ASAP3: variants seen among roughly 807,000 people sequenced by gnomAD.
ASAP3 encodes ArfGAP with SH3 domain, ankyrin repeat and PH domain 3, also known as arf-GAP with SH3 domain, ANK repeat and PH domain-containing protein 3.
In ASAP3, 85 loss-of-function variants were observed where a neutral mutation model predicts 118.2. The observed-to-expected ratio is 0.72, with a 90% CI of 0.60 to 0.86. The LOEUF (loss-of-function observed/expected upper bound fraction) is 0.86. ASAP3 is among the 40% of genes least tolerant of loss of function. The pLI, the probability that ASAP3 is intolerant of heterozygous loss-of-function variation, is 0.00. For synonymous variants in ASAP3, 432 were observed against 477.4 expected (o/e 0.90, Z 1.24); for missense variants, 1,026 against 1,175.0 (o/e 0.87, Z 1.85).
chr1:23,484,168 G>A lies in ASAP3; in HGVS notation c.-35C>T, dbSNP rs901825094. The A allele has an allele frequency of 3.5e-5, 44 of 1,246,030 alleles. No homozygotes were observed. Among genetic ancestry groups the A allele is most frequent in the Non-Finnish European group, 4.3e-5 (43 of 995,478 alleles). 77.2% of individuals were successfully genotyped at this position (1,246,030 alleles called of 1,614,324 possible). Reference sequence around the variant, plus strand: ...GAGCGTGGAGCTGCCGGAGCGGGGCGCGGGGGGCACTGAGCTGCTCCGCGC... The same window carrying A: ...GAGCGTGGAGCTGCCGGAGCGGGGCACGGGGGGCACTGAGCTGCTCCGCGC... On this transcript the variant is annotated 5_prime_UTR_variant, in exon 1 of 25. Transcript: ENST00000336689.
chr1:23,476,218 C>T (rs1450326780), intron 1 of ASAP3, among the ~76,000 whole-genome samples: 6 of 151,734 alleles, frequency 4.0e-5, no homozygotes, highest in Non-Finnish European at 7.4e-5. Context: ...TGGTAGCGGG[C>T]GCCTGTAGCC....
At chr1:23,467,733 C>T (rs1226293004) in intron 1 of ASAP3, among the ~76,000 whole-genome samples, 1 of 151,808 alleles carries the variant, frequency 6.6e-6, no homozygotes, top group African/African-American at 2.4e-5. Flanking sequence ...AGGTGGATCA[C>T]GAGGTCAGGA....
At chr1:23,476,460 C>G (rs539180987) in intron 1 of ASAP3, among the ~76,000 whole-genome samples, 1 of 152,210 alleles carries the variant, frequency 6.6e-6, no homozygotes, top group Admixed American at 6.5e-5. Context: ...ACAATCTGTG[C>G]ACTTCTCTCC....
At chr1:23,459,396 T>C (rs1641494797) in intron 1 of ASAP3, among the ~76,000 whole-genome samples, 1 of 152,104 alleles carries the variant, frequency 6.6e-6, no homozygotes, top group Non-Finnish European at 1.5e-5. Context: ...TTCTGAAAAC[T>C]GCCCTCCCTT....
intron 5 of ASAP3, among the ~76,000 whole-genome samples, chr1:23,445,408 T>C (rs1641018535): frequency 6.6e-6 from 1 of 152,018 alleles, no homozygotes; most frequent in South Asian, 2.1e-4. Flanking sequence ...GGAGGATCCC[T>C]TGAGCCCAAG....
chr1:23,456,272 A>G, intron 1 of ASAP3, 78 bp from the exon 2 acceptor site: 1 of 1,381,390 alleles, frequency 7.2e-7, no homozygotes, highest in Non-Finnish European at 1.0e-6. Flanking sequence ...TGTATCTATG[A>G]TTTCCACCCC....
rs375599950 is a variant in ASAP3, at chr1:23,437,377, C to G, written c.1151+47G>C. The G allele has an allele frequency of 6.2e-7, 1 of 1,610,870 alleles. No homozygotes were observed. Among genetic ancestry groups the G allele is most frequent in the Non-Finnish European group, 8.5e-7 (1 of 1,178,358 alleles). Reference sequence around the variant, plus strand: ...GTCAAGTGGGAAGAGATAGGGCCGCCGGCCCCCACCCACAAGGCTGGCCGG... The same window carrying G: ...GTCAAGTGGGAAGAGATAGGGCCGCGGGCCCCCACCCACAAGGCTGGCCGG... On this transcript the variant is annotated intron_variant, in intron 13 of 24. Coordinates refer to ENST00000336689, the MANE Select transcript of ASAP3 (RefSeq NM_017707.4). The surrounding 1 kb of genome is among the most constrained non-coding windows in gnomAD (Gnocchi z 6.1).
rs372734701 is a variant in ASAP3, at chr1:23,441,225, A to G, written c.835-14T>C. 1.9e-6 allele frequency: 3 copies of G among 1,613,934 alleles called. No individual in the cohort carries two copies. The African/African-American group carries it at 4.0e-5, about 22-fold the overall frequency. ...GCTCAGGTGTTCCTGTCCCTCGGAC[A>G]TGCAAAGGAGACCTCAGGGCATCTC... is the stretch of plus-strand genomic sequence containing the variant. On this transcript the variant is annotated splice_polypyrimidine_tract_variant and intron_variant, in intron 9 of 24. Coordinates refer to ENST00000336689, the MANE Select transcript of ASAP3 (RefSeq NM_017707.4).
In ASAP3 at chr1:23,436,958, G is replaced by A. The variant is rs1309509905; in HGVS notation, c.1429C>T (p.Arg477Cys). ...VHRELGVRFS[R>C]MQSLTLDLLG... ...AGGTCCAAGGTGAGTGACTGCATGC[G>A]CGAAAAGCGCACGCCCAGTTCGCGG... Residue 477 changes from arginine (R) to cysteine (C), a missense_variant, in exon 15 of 25, where the codon CGC (arginine) becomes TGC (cysteine). Coordinates refer to ENST00000336689, the MANE Select transcript of ASAP3 (RefSeq NM_017707.4). The surrounding 1 kb of genome is among the most constrained non-coding windows in gnomAD (Gnocchi z 4.2). 3.1e-6 allele frequency: 5 copies of A among 1,612,288 alleles called. No individual in the cohort carries two copies. Among genetic ancestry groups the A allele is most frequent in the Non-Finnish European group, 4.2e-6 (5 of 1,179,760 alleles).
chr1:23,463,520 G>GC (rs1337778996), intron 1 of ASAP3, among the ~76,000 whole-genome samples: 1 of 152,134 alleles, frequency 6.6e-6, no homozygotes, highest in East Asian at 1.9e-4. Context: ...TCTAGCCCCA[G>GC]CATCTCCAAA....
chr1:23,476,997 T>C (rs1393190855), intron 1 of ASAP3, among the ~76,000 whole-genome samples: 2 of 152,042 alleles, frequency 1.3e-5, no homozygotes, highest in African/African-American at 4.8e-5. Context: ...TCAAAATCTA[T>C]TGACAAATTA....
chr1:23,462,976 AAAAGAGACT>A (rs1641645614), intron 1 of ASAP3, among the ~76,000 whole-genome samples: 1 of 152,180 alleles, frequency 6.6e-6, no homozygotes, highest in African/African-American at 2.4e-5. Context: ...GGACAGGCAG[AAAAGAGACT>A]AAAGAGACTA....
At chr1:23,456,734 C>T (rs1641400003) in intron 1 of ASAP3, among the ~76,000 whole-genome samples, 1 of 152,142 alleles carries the variant, frequency 6.6e-6, no homozygotes, top group South Asian at 2.1e-4. Flanking sequence ...TTCACCAAAC[C>T]CCAGGCTCAA....
intron 22 of ASAP3, 71 bp downstream of exon 22, chr1:23,433,006 C>T (rs1640493292): frequency 6.4e-7 from 1 of 1,574,622 alleles, no homozygotes; most frequent in South Asian, 1.1e-5. Flanking sequence ...ATGCACTCAG[C>T]TCAGTGCCCC....
intron 1 of ASAP3, among the ~76,000 whole-genome samples, chr1:23,481,562 C>T (rs1005092318): frequency 6.6e-5 from 10 of 152,106 alleles, no homozygotes; most frequent in African/African-American, 2.2e-4. Context: ...GTTTGGGTGC[C>T]GCAAGCCTTT....
chr1:23,483,705 G>A (rs1477061932), intron 1 of ASAP3, among the ~76,000 whole-genome samples: 2 of 152,234 alleles, frequency 1.3e-5, no homozygotes, highest in Non-Finnish European at 2.9e-5. Context: ...AGGCTGGAAG[G>A]CGCTAGGCAA....
At chr1:23,477,540 G>A (rs1031604853) in intron 1 of ASAP3, among the ~76,000 whole-genome samples, 1 of 152,022 alleles carries the variant, frequency 6.6e-6, no homozygotes, top group Non-Finnish European at 1.5e-5. Flanking sequence ...TAGGCTACAG[G>A]TACAAATGTG....
At position 23,433,079 on chromosome 1, in the gene ASAP3, C is replaced by T. The variant is rs1640496905; in HGVS notation, c.2321G>A (p.Gly774Glu). Reference protein sequence around the residue: ...LVQGCARHASGDRSEVSSLSS... With the variant: ...LVQGCARHASEDRSEVSSLSS... The stretch of plus-strand genomic sequence containing the variant: ...TTTATCTGGGCATCCAACTGTACCT[C>T]CACTGGCATGTCTTGCACACCCTTG... The change falls in exon 22 of 25, where the codon GGA becomes GAA. Residue 774 changes from glycine (G) to glutamate (E), a missense_variant and splice_region_variant. Transcript: ENST00000336689. 1 of 1,613,772 alleles carries T rather than the reference C, an allele frequency of 6.2e-7. No individual in the cohort carries two copies. Among genetic ancestry groups the T allele is most frequent in the East Asian group, 2.2e-5 (1 of 44,888 alleles).
chr1:23,473,974 C>CTTTTTTTTTTTTTTTTT lies in ASAP3; in HGVS notation c.129+10014_129+10030dup, dbSNP rs10664798. Among the ~76,000 whole-genome samples, 56 of 72,106 alleles carry CTTTTTTTTTTTTTTTTT rather than the reference C, an allele frequency of 7.8e-4. 4 individuals are homozygous for CTTTTTTTTTTTTTTTTT. The highest frequency in any genetic ancestry group is 3.7e-3 in the African/African-American group (54 of 14,714). 47.3% of individuals were successfully genotyped at this position (72,106 alleles called of 152,430 possible). On this transcript the variant is annotated intron_variant, in intron 1 of 24. Transcript: ENST00000336689. ...AGGCGAAAATGGCATTAAATCTGCT[C>CTTTTTTTTTTTTTTTTT]TTTTTTTTTTTTTTTTTTTTTTTTG...
Sources: gnomAD v4.1 joint callset for allele counts (sites outside exome capture counted in the v4.1 genomes callset) on GRCh38, gnomAD v4.1.1 for gene constraint, Gnocchi (gnomAD v3.1) non-coding constraint, MANE v1.5 for transcripts, NCBI Gene and HGNC (gene_info 2026-07-23, HGNC 2026-07-21) for gene names.